Variants in MIR2052HG observed in about 807,000 individuals in gnomAD.
The protein encoded by MIR2052HG is MIR2052 host gene.
chr8:74,617,444 A>C (rs1808299367), intron 2 of MIR2052HG, among the ~76,000 whole-genome samples: 2 of 140,782 alleles, frequency 1.4e-5, no homozygotes, highest in African/African-American at 5.4e-5. Flanking sequence ...ATGGCTAAGT[A>C]GTATTCCATT....
At chr8:74,711,828 C>T (rs1033921558) in intron 4 of MIR2052HG, among the ~76,000 whole-genome samples, 4 of 152,062 alleles carry the variant, frequency 2.6e-5, no homozygotes, top group Non-Finnish European at 4.4e-5. Context: ...AAATTATAAC[C>T]GCAGATGTAA....
chr8:74,741,985 A>G (rs1809836144), intron 4 of MIR2052HG, among the ~76,000 whole-genome samples: 1 of 152,204 alleles, frequency 6.6e-6, no homozygotes, highest in Admixed American at 6.5e-5. Flanking sequence ...CTCTGTGTAT[A>G]CCTGTGAATG....
intron 2 of MIR2052HG, among the ~76,000 whole-genome samples, chr8:74,623,598 A>G (rs1258642091): frequency 6.6e-6 from 1 of 152,266 alleles, no homozygotes; most frequent in Admixed American, 6.5e-5. Context: ...TTTAAATGGC[A>G]CATCTTTCAG....
At chr8:74,713,287 T>A (rs1483877924) in intron 4 of MIR2052HG, among the ~76,000 whole-genome samples, 1 of 152,208 alleles carries the variant, frequency 6.6e-6, no homozygotes, top group Non-Finnish European at 1.5e-5. Flanking sequence ...AATCATCACC[T>A]CTTTTGAACA....
chr8:74,608,798 A>G (rs1808149667), intron 1 of MIR2052HG, among the ~76,000 whole-genome samples: 1 of 152,098 alleles, frequency 6.6e-6, no homozygotes, highest in African/African-American at 2.4e-5. Context: ...AAGTTAAAAC[A>G]AAACTTAGTG....
chr8:74,652,052 G>A (rs1042566987), intron 2 of MIR2052HG, among the ~76,000 whole-genome samples: 2 of 152,132 alleles, frequency 1.3e-5, no homozygotes, highest in Admixed American at 6.6e-5. Context: ...TTGAGGAACA[G>A]GCTGGTATTT....
chr8:74,603,473 G>T (rs1295850257), intron 1 of MIR2052HG: 3 of 1,598,854 alleles, frequency 1.9e-6, no homozygotes, highest in Non-Finnish European at 2.6e-6. Flanking sequence ...GCGCCTTGAC[G>T]CCCGATTATG....
At chr8:74,607,231 ATAAT>A (rs1223977439) in intron 1 of MIR2052HG, among the ~76,000 whole-genome samples, 1 of 152,350 alleles carries the variant, frequency 6.6e-6, no homozygotes, top group Non-Finnish European at 1.5e-5. Context: ...TAGCTATAAG[ATAAT>A]TAATTCACAA....
In MIR2052HG at chr8:74,739,366, G is replaced by A. The variant is rs148449331; in HGVS notation, n.372-13075G>A. Among the ~76,000 whole-genome samples, 696 of 152,232 alleles carry A rather than the reference G, an allele frequency of 4.6e-3. 4 individuals are homozygous for A. The highest frequency in any genetic ancestry group is 0.016 in the African/African-American group (651 of 41,528). On this transcript the variant is annotated intron_variant and non_coding_transcript_variant, in intron 4 of 6. Coordinates refer to ENST00000523442, the Ensembl canonical transcript of MIR2052HG. ...GATGTGGAATTCTTACCATATGAAC[G>A]TTCCCCAGGGTTTTTGTAAGCCTCT...
chr8:74,672,232 G>A (rs772490818), intron 2 of MIR2052HG, among the ~76,000 whole-genome samples: 1 of 152,002 alleles, frequency 6.6e-6, no homozygotes, highest in Non-Finnish European at 1.5e-5. Context: ...CCTAACTTGA[G>A]AGTGTCCATA....
At chr8:74,751,527 G>GA (rs1809947083) in intron 4 of MIR2052HG, among the ~76,000 whole-genome samples, 2 of 152,294 alleles carry the variant, frequency 1.3e-5, no homozygotes, top group South Asian at 4.1e-4. Flanking sequence ...TGAAAATGTT[G>GA]TGACCAGAGG....
intron 2 of MIR2052HG, among the ~76,000 whole-genome samples, chr8:74,699,491 A>G (rs1241168795): frequency 6.6e-6 from 1 of 151,864 alleles, no homozygotes; most frequent in Non-Finnish European, 1.5e-5. Flanking sequence ...CATTCGCAGC[A>G]ACCTGGATGG....
intron 1 of MIR2052HG, among the ~76,000 whole-genome samples, chr8:74,609,340 C>T (rs1808157594): frequency 1.3e-5 from 2 of 151,924 alleles, no homozygotes; most frequent in African/African-American, 4.8e-5. Flanking sequence ...GACCCAGATG[C>T]TTCGCTAGGG....
At chr8:74,688,711 C>A (rs1459788781) in intron 2 of MIR2052HG, among the ~76,000 whole-genome samples, 1 of 152,112 alleles carries the variant, frequency 6.6e-6, no homozygotes, top group Admixed American at 6.6e-5. Flanking sequence ...TATTTGGTTA[C>A]ATGATAAGTT....
intron 2 of MIR2052HG, among the ~76,000 whole-genome samples, chr8:74,663,092 C>T (rs1221181338): frequency 1.3e-5 from 2 of 151,790 alleles, no homozygotes; most frequent in Non-Finnish European, 2.9e-5. Flanking sequence ...GTTTGTTGAC[C>T]ATAAAATCCC....
At chr8:74,729,288 G>A (rs1809666865) in intron 4 of MIR2052HG, among the ~76,000 whole-genome samples, 1 of 152,048 alleles carries the variant, frequency 6.6e-6, no homozygotes, top group Admixed American at 6.6e-5. Context: ...GACAGGAAAG[G>A]CTGAACTTGA....
chr8:74,656,122 G>T (rs1271980560), intron 2 of MIR2052HG, among the ~76,000 whole-genome samples: 1 of 152,108 alleles, frequency 6.6e-6, no homozygotes, highest in Non-Finnish European at 1.5e-5. Flanking sequence ...TATCTTCATT[G>T]TATCTAGGAA....
chr8:74,708,875 A>T (rs1809437039), intron 4 of MIR2052HG, among the ~76,000 whole-genome samples: 1 of 151,976 alleles, frequency 6.6e-6, no homozygotes, highest in South Asian at 2.1e-4. Context: ...TTAAAAGTGC[A>T]TGGCATATTG....
chr8:74,757,770 T>C (rs1372819912), intron 5 of MIR2052HG: 1 of 152,176 alleles, frequency 6.6e-6, no homozygotes, highest in Non-Finnish European at 1.5e-5. Flanking sequence ...TGATGCCTAC[T>C]CCTTGCTTGG....
Sources: gnomAD v4.1 joint callset for allele counts (sites outside exome capture counted in the v4.1 genomes callset) on GRCh38, gnomAD v4.1.1 for gene constraint, MANE v1.5 for transcripts, NCBI Gene and HGNC (gene_info 2026-07-23, HGNC 2026-07-21) for gene names.